Variants in RNF13 observed in about 807,000 individuals in gnomAD.
RNF13 encodes ring finger protein 13, also known as E3 ubiquitin-protein ligase RNF13.
Under a neutral mutation model 37.7 loss-of-function variants are expected in RNF13, and 19 were observed. That is an observed-to-expected ratio of 0.50 (90% CI 0.35 to 0.74). The LOEUF (loss-of-function observed/expected upper bound fraction) is 0.74, where lower values mean the gene tolerates loss of function less well. RNF13 is among the 30% of genes least tolerant of loss of function. The pLI, the probability that RNF13 is intolerant of heterozygous loss-of-function variation, is 0.01. For missense variants in RNF13, 375 were observed against 453.0 expected (o/e 0.83, Z 1.56); for synonymous variants, 144 against 157.8 (o/e 0.91, Z 0.65).
At chr3:149,914,162 G>C (rs1717263593) in intron 7 of RNF13, among the ~76,000 whole-genome samples, 1 of 152,050 alleles carries the variant, frequency 6.6e-6, no homozygotes, top group African/African-American at 2.4e-5. Context: ...TGGATCTTGT[G>C]TTCCTTTGAT....
At chr3:149,812,743 A>C (rs998749385), upstream of RNF13, 1 of 152,628 alleles carries the variant, frequency 6.6e-6, no homozygotes, top group Non-Finnish European at 1.5e-5. Context: ...GTGTGCAGGG[A>C]AGAGACGCGT....
In RNF13 at chr3:149,960,103, G is replaced by A. The variant is rs1722235663; in HGVS notation, c.748G>A (p.Gly250Arg). The A allele has an allele frequency of 6.2e-7, 1 of 1,611,900 alleles. No individual in the cohort carries two copies. Among genetic ancestry groups the A allele is most frequent in the African/African-American group, 1.3e-5 (1 of 74,850 alleles). Reference sequence around the variant, plus strand: ...CATTTGTTTGGATGAGTATGAAGATGGAGACAAACTCAGAATCCTTCCCTG... The same window carrying A: ...CATTTGTTTGGATGAGTATGAAGATAGAGACAAACTCAGAATCCTTCCCTG... ...CAICLDEYED[G>R]DKLRILPCSH... The change falls in exon 9 of 10, where the codon GGA becomes AGA. Residue 250 changes from glycine to arginine, a missense_variant. Coordinates refer to ENST00000392894, the MANE Select transcript of RNF13 (RefSeq NM_183381.3).
chr3:149,820,181 A>C (rs546379268), intron 1 of RNF13, among the ~76,000 whole-genome samples: 1 of 152,100 alleles, frequency 6.6e-6, no homozygotes, highest in Non-Finnish European at 1.5e-5. Context: ...GAATTGATTG[A>C]AAGTGAATGT....
At chr3:149,910,735 G>A (rs1716918853) in intron 6 of RNF13, among the ~76,000 whole-genome samples, 2 of 152,076 alleles carry the variant, frequency 1.3e-5, no homozygotes, top group African/African-American at 4.8e-5. Context: ...AGCTTTGCTG[G>A]CACCGTACTA....
At chr3:149,903,994 C>A (rs1716135416) in intron 6 of RNF13, among the ~76,000 whole-genome samples, 1 of 151,924 alleles carries the variant, frequency 6.6e-6, no homozygotes, top group South Asian at 2.1e-4. Flanking sequence ...TACCTACCTA[C>A]CTATACCTAT....
intron 6 of RNF13, among the ~76,000 whole-genome samples, chr3:149,903,104 T>C (rs190368841): frequency 2.0e-4 from 30 of 152,252 alleles, no homozygotes; most frequent in African/African-American, 6.7e-4. Flanking sequence ...TTTACTGTTA[T>C]TGTTAGTTCC....
chr3:149,894,059 A>G (rs991234648), intron 4 of RNF13, among the ~76,000 whole-genome samples: 2 of 152,210 alleles, frequency 1.3e-5, no homozygotes, highest in African/African-American at 4.8e-5. Flanking sequence ...GTAATATTTA[A>G]TACTGGCCTA....
At chr3:149,849,990 T>A (rs1722985927) in intron 2 of RNF13, among the ~76,000 whole-genome samples, 1 of 152,010 alleles carries the variant, frequency 6.6e-6, no homozygotes, top group African/African-American at 2.4e-5. Flanking sequence ...AGATTTTTTT[T>A]TTTTTTTGAG....
At chr3:149,903,292 A>G (rs953106194) in intron 6 of RNF13, among the ~76,000 whole-genome samples, 1 of 152,130 alleles carries the variant, frequency 6.6e-6, no homozygotes, top group African/African-American at 2.4e-5. Context: ...TTTTACCTCA[A>G]TATTGCTCCC....
At chr3:149,864,394 G>C (rs557466682) in intron 3 of RNF13, among the ~76,000 whole-genome samples, 1 of 152,164 alleles carries the variant, frequency 6.6e-6, no homozygotes, top group East Asian at 1.9e-4. Context: ...GTGTGTATGT[G>C]TGCTTTCTTG....
At chr3:149,904,226 C>G (rs918550352) in intron 6 of RNF13, among the ~76,000 whole-genome samples, 4 of 152,010 alleles carry the variant, frequency 2.6e-5, no homozygotes, top group African/African-American at 9.7e-5. Context: ...CTGAAAGACA[C>G]CAACATAATA....
At chr3:149,843,871 G>A (rs913563367) in intron 1 of RNF13, among the ~76,000 whole-genome samples, 2 of 152,224 alleles carry the variant, frequency 1.3e-5, no homozygotes, top group Non-Finnish European at 2.9e-5. Context: ...AGGGAGGTTA[G>A]GATTAAGTGA....
chr3:149,839,601 CTTA>C (rs1721961880), intron 1 of RNF13, among the ~76,000 whole-genome samples: 2 of 75,684 alleles, frequency 2.6e-5, no homozygotes. Flanking sequence ...TCACATGAGA[CTTA>C]CTCACTCTCA....
At chr3:149,880,959 C>T (rs1209274086) in intron 4 of RNF13, among the ~76,000 whole-genome samples, 1 of 152,216 alleles carries the variant, frequency 6.6e-6, no homozygotes, top group Non-Finnish European at 1.5e-5. Flanking sequence ...AGTTTGTATA[C>T]AGCACACAGT....
At chr3:149,848,018 C>T (rs73870445) in intron 2 of RNF13, among the ~76,000 whole-genome samples, 4,107 of 152,230 alleles carry the variant, frequency 0.027, 68 homozygotes, top group South Asian at 0.036. Flanking sequence ...TTTATTTCTT[C>T]ATGTAAACTG....
chr3:149,895,955 CT>C (rs1419557629), intron 5 of RNF13, among the ~76,000 whole-genome samples: 1 of 152,156 alleles, frequency 6.6e-6, no homozygotes, highest in Non-Finnish European at 1.5e-5. Flanking sequence ...AAGCCACATA[CT>C]TGTGCTTCCT....
At chr3:149,901,899 A>G (rs1715879576) in intron 5 of RNF13, among the ~76,000 whole-genome samples, 173 bp from the exon 6 acceptor site, 1 of 152,188 alleles carries the variant, frequency 6.6e-6, no homozygotes, top group African/African-American at 2.4e-5. Context: ...TGTAAATGTT[A>G]TGTTTCTCAA....
At chr3:149,845,205 C>T (rs1053532418) in intron 1 of RNF13, among the ~76,000 whole-genome samples, 2 of 152,040 alleles carry the variant, frequency 1.3e-5, no homozygotes, top group Admixed American at 6.5e-5. Context: ...ATCATCAAAA[C>T]GGATATTACA....
intron 3 of RNF13, among the ~76,000 whole-genome samples, chr3:149,871,392 C>T: frequency 6.7e-6 from 1 of 150,108 alleles, no homozygotes; most frequent in Non-Finnish European, 1.5e-5. Flanking sequence ...GGGAAAGCAA[C>T]TTGCTGTTTA....
Sources: allele counts gnomAD v4.1 joint callset (sites outside exome capture counted in the v4.1 genomes callset), GRCh38; gene constraint gnomAD v4.1.1; transcripts MANE v1.5; gene names NCBI Gene and HGNC (gene_info 2026-07-23, HGNC 2026-07-21).